Variants in MBP observed in about 807,000 individuals in gnomAD.
MBP encodes the protein Golli-MBP.
MBP carries 16 observed loss-of-function variants against 35.8 expected under a neutral mutation model. The observed-to-expected ratio is 0.45, with a 90% CI of 0.30 to 0.68. The LOEUF is 0.68. Among genes scored for constraint, MBP ranks in the 30% least tolerant of loss-of-function variants. The probability of loss-of-function intolerance (pLI) is 0.08; values close to 1 mark genes in which losing one functional copy is unlikely to be tolerated. For synonymous variants in MBP, 143 were observed against 159.6 expected, an observed-to-expected ratio of 0.90 and a Z score of 0.78; for missense variants, 380 against 404.7, an observed-to-expected ratio of 0.94 and a Z score of 0.52.
chr18:77,026,675 G>A (rs1972237094), intron 3 of MBP, among the ~76,000 whole-genome samples: 1 of 152,080 alleles, frequency 6.6e-6, no homozygotes, highest in African/African-American at 2.4e-5. Context: ...AGACAACCCT[G>A]AGCAACGCAG....
chr18:76,985,237 C>T, intron 7 of MBP: 1 of 1,374,094 alleles, frequency 7.3e-7, no homozygotes, highest in Non-Finnish European at 9.6e-7. Context: ...AGAAGATTAG[C>T]AAACATCAAG....
chr18:77,112,453 A>T (rs979641345), intron 1 of MBP: 3 of 152,256 alleles, frequency 2.0e-5, no homozygotes, highest in African/African-American at 4.8e-5. Context: ...GCCCTCGTGC[A>T]TAACGGGGAG....
At chr18:76,992,912 C>T (rs1482387088) in intron 4 of MBP, among the ~76,000 whole-genome samples, 1 of 152,218 alleles carries the variant, frequency 6.6e-6, no homozygotes, top group East Asian at 1.9e-4. Flanking sequence ...GCTGTGCATC[C>T]TCTGCCCTGG....
intron 3 of MBP, among the ~76,000 whole-genome samples, chr18:77,040,091 C>T (rs1423458833): frequency 2.0e-5 from 3 of 152,192 alleles, no homozygotes; most frequent in African/African-American, 7.2e-5. Flanking sequence ...ATGCACCTGC[C>T]TTGACACCCA....
chr18:76,985,426 A>G (rs1969493876), intron 7 of MBP: 14 of 1,205,734 alleles, frequency 1.2e-5, no homozygotes, highest in Non-Finnish European at 1.4e-5. Flanking sequence ...TGGTTCTAGG[A>G]TCTGTCTGGG....
At chr18:77,088,300 G>C (rs2144997057) in intron 2 of MBP, among the ~76,000 whole-genome samples, 1 of 152,284 alleles carries the variant, frequency 6.6e-6, no homozygotes, top group East Asian at 1.9e-4. Flanking sequence ...CAGCAGAAGG[G>C]GCGAGGGAAC....
rs1412022325 is a variant in MBP at position 76,988,658 on chromosome 18, G to T, written c.718-131C>A. On this transcript the variant is annotated intron_variant, in intron 6 of 8. Transcript: ENST00000355994. This position sits in a 1 kb window ranked among gnomAD's most constrained non-coding sequence, Gnocchi z 5.2. Reference sequence around the variant, plus strand: ...AACAGGTTCCACCCGGAGCTCCGAGGGGGGCCGCAGGCTCAGGGCCACAGC... The same window carrying T: ...AACAGGTTCCACCCGGAGCTCCGAGTGGGGCCGCAGGCTCAGGGCCACAGC... 7 of 1,489,752 alleles carry T rather than the reference G, an allele frequency of 4.7e-6. No homozygotes were observed. In the African/African-American group the frequency reaches 9.8e-5, roughly 21 times the overall value. The allele number at this position is 1,489,752 out of a possible 1,614,324, so 92.3% of individuals were successfully genotyped here.
chr18:77,025,725 T>TTTTTTTTTA (rs1972192065), intron 3 of MBP, among the ~76,000 whole-genome samples: 1 of 150,138 alleles, frequency 6.7e-6, no homozygotes, highest in Non-Finnish European at 1.5e-5. Flanking sequence ...TTTTTTTTTT[T>TTTTTTTTTA]ACCTAGAGCA....
intron 3 of MBP, among the ~76,000 whole-genome samples, chr18:77,052,341 C>A (rs470893): frequency 0.015 from 2,256 of 152,294 alleles, 71 homozygotes; most frequent in African/African-American, 0.05. Context: ...GGGGGTAAGA[C>A]AAAGGGGTCC....
intron 4 of MBP, 166 bp downstream of exon 4, chr18:77,016,666 A>T: frequency 7.0e-7 from 1 of 1,429,754 alleles, no homozygotes; most frequent in Non-Finnish European, 9.1e-7. Context: ...CTAAGCAGCC[A>T]CTCAGGCCCA....
In MBP at chr18:76,988,735, T is replaced by A; in HGVS notation, c.717+142A>T. The A allele has an allele frequency of 8.3e-6, 11 of 1,322,562 alleles. No individual in the cohort carries two copies. In the South Asian group the frequency reaches 1.5e-4, roughly 18 times the overall value. The allele number at this position is 1,322,562 out of a possible 1,614,324, so 81.9% of individuals were successfully genotyped here. On this transcript the variant is annotated intron_variant, in intron 6 of 8. Coordinates refer to ENST00000355994, the MANE Select transcript of MBP (RefSeq NM_001025101.2). This position sits in a 1 kb window ranked among gnomAD's most constrained non-coding sequence, Gnocchi z 5.2. ...AGGGGTGCATGGATCTGCCGACCTG[T>A]TCTACTTGGGAGCTGCCTGGCAACA...
At chr18:77,029,478 C>T (rs1014200663) in intron 3 of MBP, among the ~76,000 whole-genome samples, 16 of 145,518 alleles carry the variant, frequency 1.1e-4, no homozygotes, top group Admixed American at 6.9e-4. Context: ...GGGACCCCAG[C>T]TAATTTTTTA....
intron 3 of MBP, among the ~76,000 whole-genome samples, chr18:77,065,361 A>C (rs1974152988): frequency 6.6e-6 from 1 of 152,088 alleles, no homozygotes; most frequent in African/African-American, 2.4e-5. Flanking sequence ...CACTGGTCTC[A>C]TCAGGGGCCC....
intron 3 of MBP, among the ~76,000 whole-genome samples, chr18:77,039,734 A>G (rs778759154): frequency 6.6e-6 from 1 of 152,212 alleles, no homozygotes; most frequent in Non-Finnish European, 1.5e-5. Flanking sequence ...ACATTCTGAA[A>G]TCAGGTAGGA....
intron 4 of MBP, among the ~76,000 whole-genome samples, chr18:77,007,045 TG>T (rs1453943106): frequency 6.6e-6 from 1 of 152,210 alleles, no homozygotes; most frequent in East Asian, 1.9e-4. Context: ...CCGACTCTGC[TG>T]GTTCCTGGCA....
upstream of MBP, among the ~76,000 whole-genome samples, chr18:77,133,061 C>T (rs1977339452): frequency 1.3e-5 from 2 of 152,136 alleles, no homozygotes; most frequent in South Asian, 4.1e-4. Flanking sequence ...GCCCGTCGAC[C>T]CTTCCCGTTC....
intron 4 of MBP, among the ~76,000 whole-genome samples, chr18:77,008,663 C>A (rs1195678427): frequency 1.3e-5 from 2 of 152,210 alleles, no homozygotes; most frequent in African/African-American, 4.8e-5. Flanking sequence ...CCTTCTGCCC[C>A]CAAGCCCTGG....
intron 2 of MBP, among the ~76,000 whole-genome samples, chr18:77,099,914 C>T (rs1474774172): frequency 1.3e-5 from 2 of 152,230 alleles, no homozygotes; most frequent in Admixed American, 6.5e-5. Context: ...GCAGAGACTG[C>T]GTGTGGCTGC....
chr18:77,057,030 C>T (rs951275374), intron 3 of MBP, among the ~76,000 whole-genome samples: 2 of 150,250 alleles, frequency 1.3e-5, no homozygotes, highest in African/African-American at 5.0e-5. Context: ...TCCTCTGAGA[C>T]GGGAAGGAGG....
Sources: allele counts gnomAD v4.1 joint callset (sites outside exome capture counted in the v4.1 genomes callset), GRCh38; gene constraint gnomAD v4.1.1; non-coding constraint Gnocchi (gnomAD v3.1); transcripts MANE v1.5; gene names NCBI Gene and HGNC (gene_info 2026-07-23, HGNC 2026-07-21).